HDAC9: variants seen among roughly 807,000 people sequenced by gnomAD.
HDAC9 encodes the protein histone deacetylase 9.
In HDAC9, 41 loss-of-function variants were observed where a neutral mutation model predicts 139.4. The observed-to-expected ratio is 0.29, with a 90% CI of 0.23 to 0.38. The LOEUF (loss-of-function observed/expected upper bound fraction) is 0.38, where lower values mean the gene tolerates loss of function less well. HDAC9 is among the 10% of genes least tolerant of loss of function. The probability of loss-of-function intolerance (pLI) is 1.00; values close to 1 mark genes in which losing one functional copy is unlikely to be tolerated. For synonymous variants in HDAC9, 517 were observed against 476.2 expected (o/e 1.09, Z -1.12); for missense variants, 1,147 against 1,297.0 (o/e 0.88, Z 1.78).
chr7:18,991,081 T>G (rs1406136842), intron 25 of HDAC9, among the ~76,000 whole-genome samples: 2 of 152,246 alleles, frequency 1.3e-5, no homozygotes, highest in Non-Finnish European at 2.9e-5. Flanking sequence ...ATCTTTATTC[T>G]TTTGTTGCAA....
At chr7:18,937,030 A>ATTTTTTTTTTTTTTTTTTTTTTTTTTTT in intron 23 of HDAC9, among the ~76,000 whole-genome samples, 1 of 96,696 alleles carries the variant, frequency 1.0e-5, no homozygotes, top group Non-Finnish European at 1.9e-5. Flanking sequence ...GCTCTTGTTA[A>ATTTTTTTTTTTTTTTTTTTTTTTTTTTT]TTTTTTTTTT....
At chr7:18,831,351 T>A (rs1456854978) in intron 19 of HDAC9, among the ~76,000 whole-genome samples, 1 of 152,212 alleles carries the variant, frequency 6.6e-6, no homozygotes, top group Admixed American at 6.5e-5. Context: ...TAAAGTTTTG[T>A]TTTTGTACAG....
chr7:18,434,868 A>G (rs561987878), intron 1 of HDAC9, among the ~76,000 whole-genome samples: 31 of 152,234 alleles, frequency 2.0e-4, no homozygotes, highest in African/African-American at 7.5e-4. Context: ...ACTACCATTC[A>G]ACCCATCAAT....
intron 6 of HDAC9, among the ~76,000 whole-genome samples, chr7:18,624,019 T>C (rs540243560): frequency 2.6e-4 from 40 of 152,230 alleles, no homozygotes; most frequent in Admixed American, 5.2e-4. Context: ...CAAGATAGTT[T>C]GTGTGCCTGT....
intron 1 of HDAC9, among the ~76,000 whole-genome samples, chr7:18,095,227 A>G (rs548454513): frequency 6.6e-6 from 1 of 152,148 alleles, no homozygotes; most frequent in Admixed American, 6.5e-5. Flanking sequence ...CCTGATTACT[A>G]CAACACACTG....
chr7:18,599,024 A>G (rs1299190551), intron 6 of HDAC9, among the ~76,000 whole-genome samples: 2 of 152,188 alleles, frequency 1.3e-5, no homozygotes, highest in Admixed American at 6.5e-5. Context: ...CAAATAAAAT[A>G]AAAAACGGAG....
chr7:18,341,762 C>T (rs1365586717), intron 1 of HDAC9, among the ~76,000 whole-genome samples: 2 of 151,532 alleles, frequency 1.3e-5, no homozygotes, highest in African/African-American at 4.8e-5. Flanking sequence ...TTATATTTTC[C>T]TGCTAATTTG....
At chr7:18,093,483 T>G (rs1782300506) in intron 1 of HDAC9, among the ~76,000 whole-genome samples, 1 of 152,066 alleles carries the variant, frequency 6.6e-6, no homozygotes. Flanking sequence ...AGTGAGAGAG[T>G]GTGCTGTATC....
chr7:18,612,323 A>G (rs1254336130), intron 6 of HDAC9, among the ~76,000 whole-genome samples: 1 of 152,126 alleles, frequency 6.6e-6, no homozygotes, highest in African/African-American at 2.4e-5. Flanking sequence ...TGCCACTACC[A>G]CTACATATAC....
At chr7:18,432,698 G>A (rs1016089928) in intron 1 of HDAC9, among the ~76,000 whole-genome samples, 7 of 152,030 alleles carry the variant, frequency 4.6e-5, no homozygotes, top group South Asian at 4.2e-4. Flanking sequence ...CTGTAATCCC[G>A]TCACTTTGGG....
chr7:18,796,299 G>A lies in HDAC9; in HGVS notation c.2322+2847G>A, dbSNP rs183346909. ...AATGCCAGAAAAAATTGTATGACTT[G>A]GAAATTTTGTTTGATGCTGAACTTG... On this transcript the variant is annotated intron_variant, in intron 17 of 25. Transcript: ENST00000686413. Among the ~76,000 whole-genome samples, 46 of 152,268 alleles carry A rather than the reference G, an allele frequency of 3.0e-4. 1 individual carries two copies. Among genetic ancestry groups the A allele is most frequent in the Admixed American group, 2.7e-3 (42 of 15,292 alleles).
intron 2 of HDAC9, among the ~76,000 whole-genome samples, chr7:18,513,324 T>C (rs1025026436): frequency 2.0e-5 from 3 of 152,162 alleles, no homozygotes; most frequent in Non-Finnish European, 4.4e-5. Flanking sequence ...AAAAAATAAC[T>C]TGAGACCAAA....
chr7:18,438,366 A>T (rs146251091), intron 1 of HDAC9, among the ~76,000 whole-genome samples: 177 of 152,220 alleles, frequency 1.2e-3, no homozygotes, highest in African/African-American at 3.7e-3. Context: ...GGGCACTCTG[A>T]TATACTATTA....
intron 1 of HDAC9, among the ~76,000 whole-genome samples, chr7:18,120,223 G>C (rs572006002): frequency 6.6e-6 from 1 of 152,170 alleles, no homozygotes; most frequent in Non-Finnish European, 1.5e-5. Context: ...GAGGCCAGGG[G>C]TGCTGCTCAA....
chr7:18,615,926 C>T (rs989951303), intron 6 of HDAC9, among the ~76,000 whole-genome samples: 2 of 152,118 alleles, frequency 1.3e-5, no homozygotes, highest in Non-Finnish European at 2.9e-5. Flanking sequence ...AATGGCTTTG[C>T]CTGGGCTAAA....
chr7:18,336,257 T>TTTG (rs1781576701), intron 1 of HDAC9, among the ~76,000 whole-genome samples: 1 of 151,580 alleles, frequency 6.6e-6, no homozygotes, highest in African/African-American at 2.4e-5. Context: ...TTATAAGCAT[T>TTTG]TTGGCCTAGC....
intron 12 of HDAC9, among the ~76,000 whole-genome samples, chr7:18,706,125 A>ATGTGG (rs1190035381): frequency 7.5e-6 from 1 of 133,680 alleles, no homozygotes; most frequent in Non-Finnish European, 1.6e-5. Context: ...GTTTGTTTAC[A>ATGTGG]TGTGGTAAAA....
intron 17 of HDAC9, among the ~76,000 whole-genome samples, chr7:18,821,837 C>A (rs557464540): frequency 6.6e-6 from 1 of 152,348 alleles, no homozygotes; most frequent in Admixed American, 6.5e-5. Context: ...GATGTTATTA[C>A]AACCCCCTCT....
At chr7:18,905,085 CTG>C (rs1802103512) in intron 22 of HDAC9, among the ~76,000 whole-genome samples, 3 of 151,606 alleles carry the variant, frequency 2.0e-5, no homozygotes, top group Admixed American at 2.0e-4. Context: ...TTTTAGCAAC[CTG>C]ACCATGTTGG....
Sources: allele counts gnomAD v4.1 joint callset (sites outside exome capture counted in the v4.1 genomes callset), GRCh38; gene constraint gnomAD v4.1.1; transcripts MANE v1.5; gene names NCBI Gene and HGNC (gene_info 2026-07-23, HGNC 2026-07-21).